Variants in XPO1 observed in about 807,000 individuals in gnomAD.
XPO1 encodes exportin 1.
XPO1 carries 5 observed loss-of-function variants against 133.3 expected under a neutral mutation model. The observed-to-expected ratio is 0.04, with a 90% CI of 0.02 to 0.08. The LOEUF is 0.08. Ranked by LOEUF, XPO1 falls within the 10% of genes least tolerant of loss-of-function variation. XPO1 has a pLI of 1.00. For synonymous variants in XPO1, 419 were observed against 408.2 expected, an observed-to-expected ratio of 1.03 and a Z score of -0.32; for missense variants, 506 against 1,267.5, an observed-to-expected ratio of 0.40 and a Z score of 9.12.
intron 19 of XPO1, 24 bp downstream of exon 19, chr2:61,488,141 A>G: frequency 6.2e-7 from 1 of 1,602,336 alleles, no homozygotes; most frequent in Non-Finnish European, 8.6e-7. Context: ...ACTAGAAATC[A>G]AAAGCAAAGC....
intron 11 of XPO1, 44 bp from the exon 12 acceptor site, chr2:61,494,135 C>T (rs1188751824): frequency 6.4e-7 from 1 of 1,552,060 alleles, no homozygotes. Flanking sequence ...TTAAACATTA[C>T]CAACTTCAAA....
At chr2:61,483,244 A>C (rs1041031444) in intron 21 of XPO1, 153 bp from the exon 22 acceptor site, 1 of 721,128 alleles carries the variant, frequency 1.4e-6, no homozygotes, top group Non-Finnish European at 2.2e-6. Flanking sequence ...TTCTTAAATT[A>C]ATAATGGAAT....
intron 4 of XPO1, among the ~76,000 whole-genome samples, chr2:61,506,380 G>A (rs768841416): frequency 2.6e-5 from 4 of 152,078 alleles, no homozygotes; most frequent in Non-Finnish European, 2.9e-5. Flanking sequence ...CTGAGATCGC[G>A]CCACTGCACT....
chr2:61,483,831 TCA>T (rs1371121439), intron 21 of XPO1, 104 bp downstream of exon 21: 5 of 1,285,960 alleles, frequency 3.9e-6, no homozygotes, highest in Admixed American at 2.3e-5. Context: ...TATATGTAAT[TCA>T]CACACTCAAA....
chr2:61,506,585 C>A (rs1219213201), intron 4 of XPO1, among the ~76,000 whole-genome samples: 8 of 104,556 alleles, frequency 7.7e-5, no homozygotes, highest in African/African-American at 2.2e-4. Flanking sequence ...GGCGACAGAG[C>A]AAGATTCCGT....
chr2:61,479,870 T>C (rs1175974453), intron 24 of XPO1, among the ~76,000 whole-genome samples: 1 of 150,366 alleles, frequency 6.7e-6, no homozygotes, highest in East Asian at 2.0e-4. Flanking sequence ...GACACTTTTT[T>C]CTCTTTTCTT....
chr2:61,490,580 T>G (rs923073050), intron 17 of XPO1, 62 bp downstream of exon 17: 1 of 1,601,834 alleles, frequency 6.2e-7, no homozygotes, highest in African/African-American at 1.3e-5. Flanking sequence ...TTCAATACAT[T>G]TGTAAAGAAC....
intron 19 of XPO1, among the ~76,000 whole-genome samples, chr2:61,486,185 CTTTTTT>C (rs199965674): frequency 6.8e-6 from 1 of 146,980 alleles, no homozygotes; most frequent in Non-Finnish European, 1.5e-5. Flanking sequence ...TCATTCAAGA[CTTTTTT>C]TTTTTGAGAC....
intron 7 of XPO1, among the ~76,000 whole-genome samples, chr2:61,499,411 C>CAAAAT (rs746867729): frequency 1.3e-5 from 2 of 152,024 alleles, no homozygotes; most frequent in African/African-American, 4.8e-5. Context: ...AGACTTGTCT[C>CAAAAT]AAAATAAAAT....
rs556422732 is a variant in XPO1 at position 61,478,868 on chromosome 2, G to A, written c.3168C>T (p.Val1056=). ...TCTCATGTGGATTAAAGATGCCAGG[G>A]ACAGACATTTGACGTTTATGTTTCT... The part of the protein sequence containing the change: ...DEEKHKRQMS[V]PGIFNPHEIP... Residue 1056 remains valine, a synonymous_variant, in exon 25 of 25, where the codon GTC becomes GTT. Coordinates refer to ENST00000401558, the MANE Select transcript of XPO1 (RefSeq NM_003400.4). 4 of 1,614,140 alleles carry A rather than the reference G, an allele frequency of 2.5e-6. No individual in the cohort carries two copies. The highest frequency in any genetic ancestry group is 1.1e-5 in the South Asian group (1 of 91,076).
intron 4 of XPO1, among the ~76,000 whole-genome samples, chr2:61,507,236 T>C (rs1573169542): frequency 8.8e-5 from 2 of 22,834 alleles, no homozygotes; most frequent in Admixed American, 4.1e-4. Flanking sequence ...AGCGGGAGAC[T>C]CCATCTCAAA....
intron 6 of XPO1, among the ~76,000 whole-genome samples, chr2:61,500,657 G>A (rs550379975): frequency 7.3e-5 from 11 of 150,210 alleles, no homozygotes; most frequent in Non-Finnish European, 1.5e-4. Context: ...AAATTAGCCA[G>A]GGGTGGTGGC....
intron 21 of XPO1, chr2:61,483,345 A>G (rs553280913): frequency 2.7e-6 from 1 of 365,804 alleles, no homozygotes; most frequent in East Asian, 5.6e-5. Context: ...AGATCATATA[A>G]TGGACTTTGG....
At position 61,492,781 on chromosome 2, in the gene XPO1, A is replaced by G. The variant is rs1697055731; in HGVS notation, c.1385-33T>C. On this transcript the variant is annotated intron_variant, in intron 13 of 24. Transcript: ENST00000401558. This position sits in a 1 kb window ranked among gnomAD's most constrained non-coding sequence, Gnocchi z 5.6. ...GAAAAACATGGTTTCAAATGCAAATAATGAGCAGAATTTTATTGATGAGTA... is the reference window on the plus strand; with the variant it reads ...GAAAAACATGGTTTCAAATGCAAATGATGAGCAGAATTTTATTGATGAGTA... 1 of 1,600,416 alleles carries G rather than the reference A, an allele frequency of 6.2e-7. No homozygotes were observed. Among genetic ancestry groups the G allele is most frequent in the South Asian group, 1.1e-5 (1 of 88,488 alleles).
chr2:61,528,779 A>G (rs994569845), intron 2 of XPO1, among the ~76,000 whole-genome samples: 4 of 83,720 alleles, frequency 4.8e-5, no homozygotes, highest in African/African-American at 1.7e-4. Flanking sequence ...ATATATATAT[A>G]TAGTTTTTTC....
chr2:61,493,116 A>G (rs996282235), intron 12 of XPO1, 63 bp from the exon 13 acceptor site: 67 of 1,465,564 alleles, frequency 4.6e-5, no homozygotes, highest in Non-Finnish European at 5.8e-5. Flanking sequence ...ATTAGTGTAG[A>G]AGCTTAGTTA....
chr2:61,482,053 T>TTTTTTTTTTTTTTTC, intron 23 of XPO1, among the ~76,000 whole-genome samples: 1 of 139,882 alleles, frequency 7.1e-6, no homozygotes, highest in Non-Finnish European at 1.6e-5. Context: ...TTTTTTTTTT[T>TTTTTTTTTTTTTTTC]TTTTGCTTTT....
At chr2:61,489,978 C>CCTCCTGGGTTCAAGCCATT (rs1696893655) in intron 17 of XPO1, among the ~76,000 whole-genome samples, 1 of 151,642 alleles carries the variant, frequency 6.6e-6, no homozygotes, top group African/African-American at 2.4e-5. Flanking sequence ...GCAAGCTCCG[C>CCTCCTGGGTTCAAGCCATT]CTCCTGGGTT....
intron 4 of XPO1, among the ~76,000 whole-genome samples, chr2:61,521,494 T>C (rs903387813): frequency 6.6e-6 from 1 of 152,162 alleles, no homozygotes; most frequent in Non-Finnish European, 1.5e-5. Flanking sequence ...TAACTGAAAT[T>C]AGCTAAATCA....
Sources: gnomAD v4.1 joint callset for allele counts (sites outside exome capture counted in the v4.1 genomes callset) on GRCh38, gnomAD v4.1.1 for gene constraint, Gnocchi (gnomAD v3.1) non-coding constraint, MANE v1.5 for transcripts, NCBI Gene and HGNC (gene_info 2026-07-23, HGNC 2026-07-21) for gene names.